MID2: variants seen among roughly 807,000 people sequenced by gnomAD.
MID2 encodes midline 2, also known as probable E3 ubiquitin-protein ligase MID2.
MID2 carries 13 observed loss-of-function variants against 46.1 expected under a neutral mutation model. The ratio of observed to expected loss-of-function variants is 0.28; its 90% confidence interval spans 0.18 to 0.45. The LOEUF (loss-of-function observed/expected upper bound fraction) is 0.45. Among genes scored for constraint, MID2 ranks in the 20% least tolerant of loss-of-function variants. MID2 has a pLI of 1.00. For synonymous variants in MID2, 199 were observed against 212.3 expected (o/e 0.94, Z 0.55); for missense variants, 431 against 575.4 (o/e 0.75, Z 2.57).
rs1351315110 is a variant in MID2, at chrX:107,931,635, G to T, written c.*4562G>T. On this transcript the variant is annotated 3_prime_UTR_variant, in exon 10 of 10. Transcript: ENST00000262843. Reference sequence around the variant, plus strand: ...ATTAAATAAATATATATGTATTCATGAATTCTTTGTTGTCTCTCGCTGGAG... The same window carrying T: ...ATTAAATAAATATATATGTATTCATTAATTCTTTGTTGTCTCTCGCTGGAG... 1.8e-5 allele frequency among the ~76,000 whole-genome samples: 2 copies of T among 111,261 alleles called. No individual in the cohort carries two copies. The highest frequency in any genetic ancestry group is 3.8e-5 in the Non-Finnish European group (2 of 53,092).
chrX:107,848,320 C>T (rs1364121303), intron 2 of MID2, among the ~76,000 whole-genome samples: 1 of 111,884 alleles, frequency 8.9e-6, no homozygotes, highest in Non-Finnish European at 1.9e-5. Flanking sequence ...CTTTGGCTCA[C>T]TAGTCTGAGG....
intron 9 of MID2, 132 bp from the exon 10 acceptor site, chrX:107,926,539 C>T (rs111684774): frequency 1.5e-6 from 1 of 664,332 alleles, no homozygotes; most frequent in Admixed American, 3.8e-5. Flanking sequence ...GTGATATCAG[C>T]ATTATGCATC....
At chrX:107,883,013 A>G (rs142586742) in intron 3 of MID2, among the ~76,000 whole-genome samples, 1,915 of 112,172 alleles carry the variant, frequency 0.017, 42 homozygotes, top group African/African-American at 0.059. Context: ...GTGGAATACT[A>G]TGCAGCCATA....
At position 107,892,582 on chromosome X, in the gene MID2, G is replaced by A. The variant is rs1932625743; in HGVS notation, c.817-11376G>A. On this transcript the variant is annotated intron_variant, in intron 3 of 9. Transcript: ENST00000262843. Reference sequence around the variant, plus strand: ...TGCTGTGGAAATGAACTTGTAAAATGCAAAACCTGTCATGTCACTCCCTAC... The same window carrying A: ...TGCTGTGGAAATGAACTTGTAAAATACAAAACCTGTCATGTCACTCCCTAC... Among the ~76,000 whole-genome samples the A allele has an allele frequency of 2.7e-5, 3 of 111,540 alleles. No homozygotes were observed. The Admixed American group carries it at 2.9e-4, about 11-fold the overall frequency.
At chrX:107,843,452 C>T (rs966221907) in intron 2 of MID2, among the ~76,000 whole-genome samples, 9 of 112,224 alleles carry the variant, frequency 8.0e-5, no homozygotes, top group African/African-American at 2.9e-4. Flanking sequence ...TGTGACTAAT[C>T]GGTAATTTTT....
intron 1 of MID2, among the ~76,000 whole-genome samples, chrX:107,831,275 T>C (rs1274718759): frequency 9.0e-6 from 1 of 111,683 alleles, no homozygotes; most frequent in Non-Finnish European, 1.9e-5. Flanking sequence ...TTCCCGTAGG[T>C]CAGACTCCGC....
chrX:107,907,710 C>T (rs1026323452), intron 5 of MID2, among the ~76,000 whole-genome samples: 2 of 111,576 alleles, frequency 1.8e-5, no homozygotes, highest in African/African-American at 3.3e-5. Flanking sequence ...GCAAACTTCG[C>T]GAAAGACTTT....
chrX:107,907,756 T>G (rs1932848472), intron 5 of MID2, among the ~76,000 whole-genome samples: 1 of 112,280 alleles, frequency 8.9e-6, no homozygotes, highest in Non-Finnish European at 1.9e-5. Flanking sequence ...TTCTGAAATA[T>G]TTAAAATGTA....
chrX:107,889,944 C>G (rs1327257564), intron 3 of MID2, among the ~76,000 whole-genome samples: 4 of 111,897 alleles, frequency 3.6e-5, no homozygotes, highest in Non-Finnish European at 5.6e-5. Context: ...TCACATAGTT[C>G]TCGTGCCATG....
rs1930939676 is a variant in MID2 at position 107,826,267 on chromosome X, A to G, written c.-160A>G. ...GCGCGGCGTCGGCGACGGTAGCGGC[A>G]GCGGCGGCGAAGGCGGGCGGCGGCC... is the stretch of plus-strand genomic sequence containing the variant. On this transcript the variant is annotated 5_prime_UTR_variant, in exon 1 of 10. Coordinates refer to ENST00000262843, the MANE Select transcript of MID2 (RefSeq NM_012216.4). 4.1e-6 allele frequency: 2 copies of G among 484,233 alleles called. No individual in the cohort carries two copies. The highest frequency in any genetic ancestry group is 5.7e-6 in the Non-Finnish European group (2 of 350,147). The allele number at this position is 484,233 out of a possible 1,213,427, so 39.9% of individuals were successfully genotyped here. A position where few individuals can be genotyped will look rare whatever the true frequency, so the allele number is the denominator to read the frequency against.
intron 2 of MID2, among the ~76,000 whole-genome samples, chrX:107,851,772 C>G (rs1251792791): frequency 9.0e-6 from 1 of 111,578 alleles, no homozygotes; most frequent in Non-Finnish European, 1.9e-5. Flanking sequence ...GCTGCGTCCC[C>G]CACTACTCTC....
At position 107,915,989 on chromosome X, in the gene MID2, TTC is replaced by T; in HGVS notation, c.1074-9_1074-8del. Reference sequence around the variant, plus strand: ...TATTTTGATGTATATTGATGTACTTTTCTCTTTTTCAGGGTCGCTATGGCAAC... The same window carrying T: ...TATTTTGATGTATATTGATGTACTTTTCTTTTTCAGGGTCGCTATGGCAAC... On this transcript the variant is annotated splice_polypyrimidine_tract_variant and intron_variant, in intron 5 of 9. Coordinates refer to ENST00000262843, the MANE Select transcript of MID2 (RefSeq NM_012216.4). 1 of 1,200,784 alleles carries T rather than the reference TTC, an allele frequency of 8.3e-7. No individual in the cohort carries two copies. Among genetic ancestry groups the T allele is most frequent in the Non-Finnish European group, 1.1e-6 (1 of 891,402 alleles).
Position 107,929,889 on chromosome X carries a change from G to A in MID2, c.*2816G>A, listed in dbSNP as rs1244285518. On this transcript the variant is annotated 3_prime_UTR_variant, in exon 10 of 10. Transcript: ENST00000262843. The stretch of plus-strand genomic sequence containing the variant: ...ACATTGTATAGCAGTGTTTTTCAAA[G>A]TGTGGTCCTCACACCGCCTGTGTTA... Among the ~76,000 whole-genome samples, 3 of 111,697 alleles carry A rather than the reference G, an allele frequency of 2.7e-5. No individual in the cohort carries two copies. The highest frequency in any genetic ancestry group is 9.8e-5 in the African/African-American group (3 of 30,714).
chrX:107,912,699 C>T (rs1056283238), intron 5 of MID2, among the ~76,000 whole-genome samples: 13 of 111,391 alleles, frequency 1.2e-4, no homozygotes, highest in Non-Finnish European at 1.9e-5. Flanking sequence ...CCTAGGGCTT[C>T]AATTACCATC....
At position 107,926,253 on chromosome X, in the gene MID2, T is replaced by C. The variant is rs1602513371; in HGVS notation, c.1757T>C (p.Ile586Thr). Residue 586 changes from isoleucine (I) to threonine (T), a missense_variant, in exon 9 of 10, where the codon ATT (isoleucine) becomes ACT (threonine). Transcript: ENST00000262843. ...TATGGGGCAGCAGGAAATATATTCATTGACAGTGGCTGCCACTATTGGGAG... is the reference window on the plus strand; with the variant it reads ...TATGGGGCAGCAGGAAATATATTCACTGACAGTGGCTGCCACTATTGGGAG... ...GCYGAAGNIF[I>T]DSGCHYWEVV... 8.3e-7 allele frequency: 1 copy of C among 1,210,484 alleles called. No individual in the cohort carries two copies. Among genetic ancestry groups the C allele is most frequent in the Non-Finnish European group, 1.1e-6 (1 of 894,941 alleles).
At chrX:107,857,840 A>G (rs1931775510) in intron 3 of MID2, among the ~76,000 whole-genome samples, 1 of 112,113 alleles carries the variant, frequency 8.9e-6, no homozygotes, top group African/African-American at 3.2e-5. Flanking sequence ...ATCTATAGGG[A>G]ATGACTATAT....
At position 107,885,496 on chromosome X, in the gene MID2, C is replaced by T. The variant is rs749169505; in HGVS notation, c.817-18462C>T. Reference sequence around the variant, plus strand: ...ATAGTATTCCGTGGTGTATATGTGCCACATTTTTTTGATCCAGTCTATTAT... The same window carrying T: ...ATAGTATTCCGTGGTGTATATGTGCTACATTTTTTTGATCCAGTCTATTAT... On this transcript the variant is annotated intron_variant, in intron 3 of 9. Transcript: ENST00000262843. Among the ~76,000 whole-genome samples the T allele has an allele frequency of 1.2e-4, 13 of 111,367 alleles. No individual in the cohort carries two copies. In the South Asian group the frequency reaches 4.9e-3, roughly 42 times the overall value.
At chrX:107,860,308 T>C (rs1264734452) in intron 3 of MID2, among the ~76,000 whole-genome samples, 1 of 112,304 alleles carries the variant, frequency 8.9e-6, no homozygotes, top group Non-Finnish European at 1.9e-5. Flanking sequence ...AATAGGTCTA[T>C]GGCCTTTAAC....
At position 107,927,136 on chromosome X, in the gene MID2, A is replaced by C. The variant is rs748596210; in HGVS notation, c.*63A>C. ...CAGCAGTTCTTCCCCTCCTACACCT[A>C]AGTTAGCGTTCAATATACGAGACAC... On this transcript the variant is annotated 3_prime_UTR_variant, in exon 10 of 10. Transcript: ENST00000262843. 49 of 994,446 alleles carry C rather than the reference A, an allele frequency of 4.9e-5. No homozygotes were observed. The highest frequency in any genetic ancestry group is 6.2e-5 in the Non-Finnish European group (46 of 736,798). 82.0% of individuals were successfully genotyped at this position (994,446 alleles called of 1,213,427 possible).
Sources: gnomAD v4.1 joint callset for allele counts (sites outside exome capture counted in the v4.1 genomes callset) on GRCh38, gnomAD v4.1.1 for gene constraint, MANE v1.5 for transcripts, NCBI Gene and HGNC (gene_info 2026-07-23, HGNC 2026-07-21) for gene names.